Variants in LRP1B observed in about 807,000 individuals in gnomAD.
LRP1B encodes LDL receptor related protein 1B.
Under a neutral mutation model 556.6 loss-of-function variants are expected in LRP1B, and 217 were observed. That is an observed-to-expected ratio of 0.39 (90% confidence interval 0.35 to 0.44). LRP1B has a LOEUF of 0.44. Ranked by LOEUF, LRP1B falls within the 20% of genes least tolerant of loss-of-function variation. The probability of loss-of-function intolerance (pLI) is 1.00; values close to 1 mark genes in which losing one functional copy is unlikely to be tolerated. For synonymous variants in LRP1B, 2,047 were observed against 1,865.8 expected (o/e 1.10, Z -2.50); for missense variants, 5,053 against 5,620.8 (o/e 0.90, Z 3.23).
At chr2:141,560,567 ATGAAATTC>A (rs79024852) in intron 2 of LRP1B, among the ~76,000 whole-genome samples, 46,268 of 151,090 alleles carry the variant, frequency 0.31, 7,300 homozygotes, top group South Asian at 0.45. Flanking sequence ...CTAAGTCTAG[ATGAAATTC>A]TGAAATTCTG....
rs78115165 is a variant in LRP1B at position 141,511,082 on chromosome 2, C to T, written c.206-30549G>A. ...GAGCTTTAAACTCAGTTTCTTGACCCCAAGGTTCAAGGTTTCCTCTACTAC... is the reference window on the plus strand; with the variant it reads ...GAGCTTTAAACTCAGTTTCTTGACCTCAAGGTTCAAGGTTTCCTCTACTAC... On this transcript the variant is annotated intron_variant, in intron 2 of 90. Coordinates refer to ENST00000389484, the MANE Select transcript of LRP1B (RefSeq NM_018557.3). Among the ~76,000 whole-genome samples the T allele has an allele frequency of 9.1e-3, 1,378 of 152,114 alleles. 19 individuals carry two copies. Among genetic ancestry groups the T allele is most frequent in the African/African-American group, 0.032 (1,311 of 41,500 alleles).
At chr2:141,833,091 T>C (rs977521932) in intron 1 of LRP1B, among the ~76,000 whole-genome samples, 3 of 151,792 alleles carry the variant, frequency 2.0e-5, no homozygotes, top group Admixed American at 1.3e-4. Flanking sequence ...AGATACCTAG[T>C]ATTACAGTTT....
Position 140,325,805 on chromosome 2 carries a change from C to T in LRP1B, c.12297G>A (p.Leu4099=), listed in dbSNP as rs764917694. ...AGACTACTGAATTAGAGCCATCATA[C>T]AGAACACTGCCAATGATGGAGAGCT... The part of the protein sequence containing the change: ...DFELSIIGSV[L]YDGSNSVVSV... Residue 4099 remains leucine, a synonymous_variant, in exon 80 of 91, where the codon CTG becomes CTA. Coordinates refer to ENST00000389484, the MANE Select transcript of LRP1B (RefSeq NM_018557.3). The T allele has an allele frequency of 1.9e-6, 3 of 1,613,016 alleles. No homozygotes were observed. In the African/African-American group the frequency reaches 4.0e-5, roughly 22 times the overall value.
intron 31 of LRP1B, 88 bp from the exon 32 acceptor site, chr2:140,813,894 A>AG (rs1691015206): frequency 1.1e-6 from 1 of 915,900 alleles, no homozygotes; most frequent in Non-Finnish European, 1.7e-6. Flanking sequence ...GGGGAAAAAA[A>AG]TAAGTTGAAA....
chr2:141,335,213 A>T (rs1017423971), intron 3 of LRP1B, among the ~76,000 whole-genome samples: 2 of 152,210 alleles, frequency 1.3e-5, no homozygotes, highest in Non-Finnish European at 2.9e-5. Flanking sequence ...GCAAAAGCAC[A>T]GTACAAGATG....
At chr2:140,464,089 G>A (rs576005570) in intron 60 of LRP1B, among the ~76,000 whole-genome samples, 35 of 152,034 alleles carry the variant, frequency 2.3e-4, no homozygotes, top group African/African-American at 8.0e-4. Flanking sequence ...CCAGCTACTC[G>A]GGAGGCTGGG....
intron 3 of LRP1B, among the ~76,000 whole-genome samples, chr2:141,381,932 C>A (rs1346390952): frequency 1.3e-5 from 2 of 151,548 alleles, no homozygotes; most frequent in Non-Finnish European, 2.9e-5. Context: ...AATTTAGGTA[C>A]AAGATTGGAA....
intron 2 of LRP1B, among the ~76,000 whole-genome samples, chr2:141,745,334 T>C (rs915603526): frequency 1.3e-5 from 2 of 151,974 alleles, no homozygotes; most frequent in African/African-American, 4.8e-5. Context: ...AAGTGAAAAA[T>C]ATTAGAAATC....
chr2:141,119,624 A>G (rs773197069), intron 7 of LRP1B, among the ~76,000 whole-genome samples: 15 of 151,784 alleles, frequency 9.9e-5, no homozygotes, highest in Non-Finnish European at 1.8e-4. Flanking sequence ...CATTGTCCTG[A>G]AGAAATCCAA....
At chr2:141,204,933 T>C (rs1166729966) in intron 6 of LRP1B, among the ~76,000 whole-genome samples, 3 of 151,566 alleles carry the variant, frequency 2.0e-5, no homozygotes, top group African/African-American at 7.3e-5. Flanking sequence ...CAAGACTCTG[T>C]CTCAGATAAA....
At chr2:140,439,227 G>T (rs1686321022) in intron 66 of LRP1B, among the ~76,000 whole-genome samples, 1 of 152,114 alleles carries the variant, frequency 6.6e-6, no homozygotes, top group Non-Finnish European at 1.5e-5. Context: ...CTACAATTGG[G>T]ATATTCTACT....
At chr2:142,097,425 A>G (rs955419597) in intron 1 of LRP1B, among the ~76,000 whole-genome samples, 5 of 151,684 alleles carry the variant, frequency 3.3e-5, no homozygotes, top group Admixed American at 6.6e-5. Flanking sequence ...TGTGCAAAAA[A>G]AAGAAGCAAC....
intron 2 of LRP1B, among the ~76,000 whole-genome samples, chr2:141,722,200 A>G (rs371143212): frequency 6.6e-6 from 1 of 152,152 alleles, no homozygotes; most frequent in East Asian, 1.9e-4. Context: ...CAACATGGTG[A>G]AACCCCATCT....
rs1314874881 is a variant in LRP1B at position 140,680,044 on chromosome 2, C to T, written c.6799+20206G>A. On this transcript the variant is annotated intron_variant, in intron 41 of 90. Transcript: ENST00000389484. Reference sequence around the variant, plus strand: ...CTAAGACAGTTCTTCCAATGTGGCCCAGGGAACCCAAAAGATTGGACACCC... The same window carrying T: ...CTAAGACAGTTCTTCCAATGTGGCCTAGGGAACCCAAAAGATTGGACACCC... Among the ~76,000 whole-genome samples the T allele has an allele frequency of 3.3e-5, 5 of 151,902 alleles. No homozygotes were observed. In the South Asian group the frequency reaches 1.0e-3, roughly 32 times the overall value.
rs757458189 is a variant in LRP1B at position 140,541,007 on chromosome 2, C to G, written c.7479G>C (p.Gly2493=). 6.2e-7 allele frequency: 1 copy of G among 1,611,258 alleles called. No individual in the cohort carries two copies. The highest frequency in any genetic ancestry group is 1.3e-5 in the African/African-American group (1 of 74,844). The part of the protein sequence containing the change: ...PNGRVNCSCR[G]DRILLEDNRC... ...TGTTGTCCTCTAGCAATATTCGGTCCCCTCTGCAGGAACAATTCACTCTCC... is the reference window on the plus strand; with the variant it reads ...TGTTGTCCTCTAGCAATATTCGGTCGCCTCTGCAGGAACAATTCACTCTCC... Residue 2493 remains glycine, a synonymous_variant, in exon 45 of 91, where the codon GGG becomes GGC. Coordinates refer to ENST00000389484, the MANE Select transcript of LRP1B (RefSeq NM_018557.3).
intron 2 of LRP1B, among the ~76,000 whole-genome samples, chr2:141,616,010 A>C (rs767520018): frequency 1.3e-5 from 2 of 152,168 alleles, no homozygotes; most frequent in Admixed American, 6.5e-5. Flanking sequence ...CTGGCTGGGC[A>C]TGGTGGCTCA....
chr2:141,309,453 G>A (rs1330594360), intron 3 of LRP1B, among the ~76,000 whole-genome samples: 1 of 152,188 alleles, frequency 6.6e-6, no homozygotes, highest in Non-Finnish European at 1.5e-5. Context: ...AATACCCAAT[G>A]TAATAGTGTT....
At chr2:141,733,948 G>A (rs1359781269) in intron 2 of LRP1B, among the ~76,000 whole-genome samples, 4 of 151,970 alleles carry the variant, frequency 2.6e-5, no homozygotes, top group African/African-American at 9.7e-5. Context: ...GTATATACCT[G>A]CCTTTATTAG....
chr2:141,421,528 CAA>C (rs34839214), intron 3 of LRP1B, among the ~76,000 whole-genome samples: 26,839 of 138,152 alleles, frequency 0.19, 3,191 homozygotes, highest in East Asian at 0.46. Flanking sequence ...GACTCTGTCT[CAA>C]AAAAAAAAAA....
Sources: allele counts gnomAD v4.1 joint callset (sites outside exome capture counted in the v4.1 genomes callset), GRCh38; gene constraint gnomAD v4.1.1; transcripts MANE v1.5; gene names NCBI Gene and HGNC (gene_info 2026-07-23, HGNC 2026-07-21).